Variants in MDFIC observed in about 807,000 individuals in gnomAD.
MDFIC encodes the protein MyoD family inhibitor domain containing.
Under a neutral mutation model 23.2 loss-of-function variants are expected in MDFIC, and 17 were observed. The observed-to-expected ratio is 0.73, with a 90% confidence interval of 0.50 to 1.10. MDFIC has a LOEUF of 1.10. Among genes scored for constraint, MDFIC ranks in the 50% least tolerant of loss-of-function variants. The probability of loss-of-function intolerance (pLI) is 0.00; values close to 1 mark genes in which losing one functional copy is unlikely to be tolerated. For missense variants in MDFIC, 356 were observed against 316.6 expected (o/e 1.12, Z -0.95); for synonymous variants, 120 against 115.2 (o/e 1.04, Z -0.27).
chr7:114,942,950 T>C (rs1792574138), intron 3 of MDFIC, among the ~76,000 whole-genome samples: 1 of 152,206 alleles, frequency 6.6e-6, no homozygotes, highest in Admixed American at 6.5e-5. Context: ...GCTGAGTCCA[T>C]GTGGGGTTCT....
At chr7:114,948,468 A>C in intron 3 of MDFIC, among the ~76,000 whole-genome samples, 1 of 151,258 alleles carries the variant, frequency 6.6e-6, no homozygotes. Flanking sequence ...GATGTTCCTT[A>C]TTTTTCTTGC....
intron 3 of MDFIC, among the ~76,000 whole-genome samples, chr7:114,978,864 T>C (rs1448146858): frequency 6.6e-6 from 1 of 152,164 alleles, no homozygotes; most frequent in Non-Finnish European, 1.5e-5. Context: ...GACATACTTC[T>C]AAAGTCCTGA....
chr7:115,000,358 C>T (rs1460478397), intron 4 of MDFIC, among the ~76,000 whole-genome samples: 1 of 152,108 alleles, frequency 6.6e-6, no homozygotes, highest in Non-Finnish European at 1.5e-5. Flanking sequence ...GAGGAAATCA[C>T]CTAATGACCC....
chr7:114,983,843 T>G (rs907377067), intron 4 of MDFIC, among the ~76,000 whole-genome samples: 8 of 152,120 alleles, frequency 5.3e-5, no homozygotes, highest in Non-Finnish European at 1.2e-4. Context: ...TCAGGTACTT[T>G]TTAAGCGATG....
chr7:115,014,796 A>G (rs1791761071), intron 4 of MDFIC, among the ~76,000 whole-genome samples: 1 of 152,222 alleles, frequency 6.6e-6, no homozygotes, highest in South Asian at 2.1e-4. Context: ...TTGCCCCAGA[A>G]TTATAAAGGA....
intron 4 of MDFIC, among the ~76,000 whole-genome samples, chr7:115,011,473 G>C (rs1372514486): frequency 1.3e-5 from 2 of 152,118 alleles, no homozygotes; most frequent in Non-Finnish European, 2.9e-5. Flanking sequence ...TTCTAGTAAA[G>C]CAACCACTTA....
At chr7:114,959,505 C>T (rs1032408120) in intron 3 of MDFIC, among the ~76,000 whole-genome samples, 21 of 152,254 alleles carry the variant, frequency 1.4e-4, no homozygotes, top group Middle Eastern at 3.4e-3. Flanking sequence ...CCAGTTTGGA[C>T]ATATCTGCAT....
chr7:114,970,880 A>T (rs1287295109), intron 3 of MDFIC, among the ~76,000 whole-genome samples: 1 of 152,178 alleles, frequency 6.6e-6, no homozygotes, highest in African/African-American at 2.4e-5. Flanking sequence ...GCATAAAGGC[A>T]AGTGGGGGCT....
chr7:114,976,247 G>A lies in MDFIC; in HGVS notation c.218-3259G>A, dbSNP rs151203119. ...TGACAAGACATTTTTGATTGACAAG[G>A]AGTCTCCCCAGCTTTGGTCAATGAC... is the stretch of plus-strand genomic sequence containing the variant. On this transcript the variant is annotated intron_variant, in intron 3 of 4. Transcript: ENST00000393486. 6.6e-5 allele frequency among the ~76,000 whole-genome samples: 10 copies of A among 152,090 alleles called. No homozygotes were observed. In the East Asian group the frequency reaches 1.9e-3, roughly 29 times the overall value.
intron 2 of MDFIC, among the ~76,000 whole-genome samples, chr7:114,937,820 G>A (rs1289745915): frequency 6.6e-6 from 1 of 152,174 alleles, no homozygotes; most frequent in Non-Finnish European, 1.5e-5. Flanking sequence ...TTTGGAAGTA[G>A]ATGCCAGTGG....
intron 4 of MDFIC, among the ~76,000 whole-genome samples, chr7:114,988,706 G>A (rs1793554267): frequency 6.6e-6 from 1 of 152,184 alleles, no homozygotes; most frequent in Non-Finnish European, 1.5e-5. Flanking sequence ...ATGATCATGA[G>A]TTGAGTTTTA....
At chr7:115,006,167 T>G (rs1791567255) in intron 4 of MDFIC, among the ~76,000 whole-genome samples, 1 of 152,196 alleles carries the variant, frequency 6.6e-6, no homozygotes, top group Non-Finnish European at 1.5e-5. Flanking sequence ...ACAGGAACAG[T>G]CACTGTTGGG....
intron 4 of MDFIC, among the ~76,000 whole-genome samples, chr7:114,982,660 A>G (rs1023904550): frequency 2.6e-5 from 4 of 152,196 alleles, no homozygotes; most frequent in Non-Finnish European, 5.9e-5. Flanking sequence ...GTGCCACTAT[A>G]TTCCAGCCTG....
At chr7:114,940,952 T>C (rs906255631) in intron 2 of MDFIC, among the ~76,000 whole-genome samples, 2 of 152,104 alleles carry the variant, frequency 1.3e-5, no homozygotes, top group Admixed American at 6.6e-5. Flanking sequence ...TAAACTCTTA[T>C]CAACTTCAAT....
intron 4 of MDFIC, among the ~76,000 whole-genome samples, chr7:114,998,078 T>A (rs1261242710): frequency 6.6e-6 from 1 of 152,174 alleles, no homozygotes; most frequent in African/African-American, 2.4e-5. Flanking sequence ...TTTCAAAAAA[T>A]TATTTCTTAG....
intron 3 of MDFIC, among the ~76,000 whole-genome samples, chr7:114,944,443 GA>G (rs1461413598): frequency 2.0e-5 from 3 of 152,142 alleles, no homozygotes; most frequent in Admixed American, 1.3e-4. Context: ...CACTTTTCTA[GA>G]CAAAGTCTAC....
intron 4 of MDFIC, among the ~76,000 whole-genome samples, chr7:114,983,670 C>T (rs187694269): frequency 6.9e-5 from 10 of 145,636 alleles, no homozygotes; most frequent in African/African-American, 1.3e-4. Flanking sequence ...CGAATTCAAG[C>T]GATTCGCCTG....
chr7:114,955,597 T>A (rs1201090857), intron 3 of MDFIC, among the ~76,000 whole-genome samples: 1 of 152,218 alleles, frequency 6.6e-6, no homozygotes, highest in East Asian at 1.9e-4. Context: ...CCCAGGGCCA[T>A]GCACATAGTT....
At chr7:114,993,012 A>G (rs4061260) in intron 4 of MDFIC, among the ~76,000 whole-genome samples, 1 of 152,150 alleles carries the variant, frequency 6.6e-6, no homozygotes, top group Non-Finnish European at 1.5e-5. Flanking sequence ...GCTATTAATT[A>G]TTGCCTCAAT....
Sources: allele counts gnomAD v4.1 joint callset (sites outside exome capture counted in the v4.1 genomes callset), GRCh38; gene constraint gnomAD v4.1.1; transcripts MANE v1.5; gene names NCBI Gene and HGNC (gene_info 2026-07-23, HGNC 2026-07-21).